The following GAB2 variants were observed in gnomAD, a reference collection of about 807,000 sequenced individuals.
GAB2 encodes GRB2 associated binding protein 2.
GAB2 carries 26 observed loss-of-function variants against 65.5 expected under a neutral mutation model. That is an observed-to-expected ratio of 0.40 (90% CI 0.29 to 0.55). The LOEUF is 0.55. Among genes scored for constraint, GAB2 ranks in the 20% least tolerant of loss-of-function variants. The pLI is 0.53. For missense variants in GAB2, 884 were observed against 875.8 expected (o/e 1.01, Z -0.12); for synonymous variants, 321 against 329.6 (o/e 0.97, Z 0.28).
intron 1 of GAB2, among the ~76,000 whole-genome samples, chr11:78,336,345 A>C (rs1486305904): frequency 1.9e-4 from 29 of 148,858 alleles, no homozygotes; most frequent in Admixed American, 1.2e-3. Flanking sequence ...AAAAAAAAAA[A>C]AAAAAAAAAA....
At chr11:78,248,337 A>G (rs754859962) in intron 3 of GAB2, among the ~76,000 whole-genome samples, 8 of 152,146 alleles carry the variant, frequency 5.3e-5, no homozygotes, top group Non-Finnish European at 1.0e-4. Flanking sequence ...GGTGGCGGCA[A>G]TTGTTACTAC....
chr11:78,374,275 G>C (rs1202750044), intron 1 of GAB2, among the ~76,000 whole-genome samples: 1 of 152,056 alleles, frequency 6.6e-6, no homozygotes, highest in Non-Finnish European at 1.5e-5. Context: ...ATCAACCCTC[G>C]AAGAAAAACA....
At chr11:78,397,274 T>C (rs780915937) in intron 1 of GAB2, among the ~76,000 whole-genome samples, 3 of 152,214 alleles carry the variant, frequency 2.0e-5, no homozygotes, top group Non-Finnish European at 4.4e-5. Flanking sequence ...TAACCAATCC[T>C]GAGTAATATT....
intron 1 of GAB2, among the ~76,000 whole-genome samples, chr11:78,354,439 TTA>T (rs898469348): frequency 1.1e-4 from 16 of 151,690 alleles, no homozygotes; most frequent in African/African-American, 2.4e-4. Context: ...GACATATATA[TTA>T]TATATATATA....
At chr11:78,297,576 G>GTTT (rs1413924713) in intron 1 of GAB2, among the ~76,000 whole-genome samples, 10 of 152,064 alleles carry the variant, frequency 6.6e-5, no homozygotes, top group African/African-American at 2.4e-4. Context: ...GAACAGCATA[G>GTTT]GTAAAGGCCC....
chr11:78,350,805 CTT>C (rs1565169750), intron 1 of GAB2, among the ~76,000 whole-genome samples: 3 of 152,202 alleles, frequency 2.0e-5, no homozygotes, highest in Non-Finnish European at 4.4e-5. Flanking sequence ...GGAACATGTG[CTT>C]TTGTGCTCAT....
intron 1 of GAB2, among the ~76,000 whole-genome samples, chr11:78,286,577 T>C (rs559394022): frequency 2.5e-4 from 38 of 152,220 alleles, no homozygotes; most frequent in Admixed American, 2.0e-3. Context: ...TCAGGGAAGA[T>C]CTGTTGATTT....
At position 78,215,542 on chromosome 11, in the gene GAB2, CAA is replaced by C. The variant is rs1277193893; in HGVS notation, c.*3728_*3729del. ...ATTAAATGTCAATTTTAAATGGTAACAAGACAAGAACTCAAGACTGGGCTTCC... is the reference window on the plus strand; with the variant it reads ...ATTAAATGTCAATTTTAAATGGTAACGACAAGAACTCAAGACTGGGCTTCC... On this transcript the variant is annotated 3_prime_UTR_variant, in exon 10 of 10. Coordinates refer to ENST00000361507, the MANE Select transcript of GAB2 (RefSeq NM_080491.3). 2 of 152,560 alleles carry C rather than the reference CAA, an allele frequency of 1.3e-5. No individual in the cohort carries two copies. Among genetic ancestry groups the C allele is most frequent in the Non-Finnish European group, 2.9e-5 (2 of 68,038 alleles). The allele number at this position is 152,560 out of a possible 1,614,324, so 9.5% of individuals were successfully genotyped here.
intron 1 of GAB2, among the ~76,000 whole-genome samples, chr11:78,413,377 A>G (rs1857153710): frequency 1.3e-5 from 2 of 152,220 alleles, no homozygotes; most frequent in Non-Finnish European, 2.9e-5. Flanking sequence ...AAAAGGAGAA[A>G]TAACAGGCAT....
intron 1 of GAB2, among the ~76,000 whole-genome samples, chr11:78,325,769 GAT>G (rs1289077329): frequency 2.0e-5 from 3 of 152,132 alleles, no homozygotes; most frequent in African/African-American, 7.2e-5. Context: ...TAAATCACAA[GAT>G]ATATAGATAA....
chr11:78,308,926 A>G (rs146729388), intron 1 of GAB2, among the ~76,000 whole-genome samples: 5 of 152,228 alleles, frequency 3.3e-5, no homozygotes, highest in African/African-American at 1.2e-4. Flanking sequence ...AAAAAGTTGA[A>G]GACATAGTTG....
At chr11:78,387,913 C>T (rs1329613755) in intron 1 of GAB2, 3 of 152,142 alleles carry the variant, frequency 2.0e-5, no homozygotes, top group Admixed American at 2.0e-4. Context: ...ATACCCTGTC[C>T]TTTAGTTTCT....
intron 1 of GAB2, among the ~76,000 whole-genome samples, chr11:78,285,428 A>C (rs1407857427): frequency 6.6e-6 from 1 of 152,220 alleles, no homozygotes; most frequent in Non-Finnish European, 1.5e-5. Context: ...GTCTAGTCCC[A>C]AATTCACACA....
chr11:78,278,991 T>C (rs1464950177), intron 2 of GAB2, among the ~76,000 whole-genome samples: 1 of 91,668 alleles, frequency 1.1e-5, no homozygotes, highest in African/African-American at 5.0e-5. Context: ...CCTCTACCAC[T>C]TTTTTTTACT....
At chr11:78,401,671 ATATG>A (rs1354244401) in intron 1 of GAB2, among the ~76,000 whole-genome samples, 1 of 152,074 alleles carries the variant, frequency 6.6e-6, no homozygotes, top group Non-Finnish European at 1.5e-5. Flanking sequence ...GTGTGTATAT[ATATG>A]TATACCAGAT....
At chr11:78,369,227 A>C (rs957376287) in intron 1 of GAB2, among the ~76,000 whole-genome samples, 1 of 151,992 alleles carries the variant, frequency 6.6e-6, no homozygotes, top group African/African-American at 2.4e-5. Context: ...TCATTGTATT[A>C]ATCAATGGCA....
intron 1 of GAB2, among the ~76,000 whole-genome samples, chr11:78,307,603 T>TGAGAGAGAGAGAGAGAGAGAGA (rs1855391664): frequency 1.2e-5 from 1 of 83,328 alleles, no homozygotes; most frequent in African/African-American, 6.9e-5. Flanking sequence ...ACAAAAAATG[T>TGAGAGAGAGAGAGAGAGAGAGA]TAGAGAGAGA....
intron 1 of GAB2, among the ~76,000 whole-genome samples, chr11:78,375,556 T>C (rs1213492121): frequency 5.3e-5 from 8 of 152,210 alleles, no homozygotes; most frequent in Non-Finnish European, 7.3e-5. Context: ...TCTAGAGGTA[T>C]AGTTCCCAAT....
At chr11:78,285,248 T>C (rs1370631893) in intron 1 of GAB2, among the ~76,000 whole-genome samples, 1 of 152,222 alleles carries the variant, frequency 6.6e-6, no homozygotes, top group Non-Finnish European at 1.5e-5. Flanking sequence ...ATCTCTGGTA[T>C]GCAGGTGCAA....
Sources: gnomAD v4.1 joint callset for allele counts (sites outside exome capture counted in the v4.1 genomes callset) on GRCh38, gnomAD v4.1.1 for gene constraint, MANE v1.5 for transcripts, NCBI Gene and HGNC (gene_info 2026-07-23, HGNC 2026-07-21) for gene names.